PATJ: variants seen among roughly 807,000 people sequenced by gnomAD.
PATJ encodes inaD-like protein.
A neutral mutation model predicts 224.9 loss-of-function variants in PATJ; 190 were observed. That is an observed-to-expected ratio of 0.84 (90% confidence interval 0.75 to 0.95). The LOEUF (loss-of-function observed/expected upper bound fraction) is 0.95. Ranked by LOEUF, PATJ falls within the 40% of genes least tolerant of loss-of-function variation. The probability of loss-of-function intolerance (pLI) is 0.00; values close to 1 mark genes in which losing one functional copy is unlikely to be tolerated. For synonymous variants in PATJ, 769 were observed against 820.3 expected (o/e 0.94, Z 1.07); for missense variants, 2,121 against 2,270.3 (o/e 0.93, Z 1.34).
chr1:62,075,930 AAAG>A (rs1658227816), intron 31 of PATJ, among the ~76,000 whole-genome samples: 1 of 151,804 alleles, frequency 6.6e-6, no homozygotes, highest in African/African-American at 2.4e-5. Flanking sequence ...AAAAAAAAAA[AAAG>A]AAAAGAAAAA....
intron 16 of PATJ, among the ~76,000 whole-genome samples, chr1:61,831,515 G>T (rs1468136878): frequency 1.3e-5 from 2 of 152,196 alleles, no homozygotes; most frequent in Non-Finnish European, 2.9e-5. Context: ...TAAAAAATGG[G>T]CAAAGGACAC....
intron 33 of PATJ, among the ~76,000 whole-genome samples, chr1:62,104,142 CG>C (rs1662585914): frequency 7.8e-6 from 1 of 127,810 alleles, no homozygotes; most frequent in Non-Finnish European, 1.6e-5. Flanking sequence ...GAAGGGAGGG[CG>C]GGTAGGGGAG....
At chr1:61,985,444 G>A (rs150891396) in intron 27 of PATJ, among the ~76,000 whole-genome samples, 57 of 152,002 alleles carry the variant, frequency 3.7e-4, no homozygotes, top group East Asian at 3.5e-3. Flanking sequence ...TTTAAATTGT[G>A]GTAAAATATA....
chr1:61,883,190 C>T (rs1019927054), intron 21 of PATJ, among the ~76,000 whole-genome samples: 6 of 151,984 alleles, frequency 3.9e-5, no homozygotes, highest in Admixed American at 1.3e-4. Context: ...AATATGCTAC[C>T]GACAACTAGG....
At position 61,938,796 on chromosome 1, in the gene PATJ, A is replaced by G. The variant is rs184513217; in HGVS notation, c.3670+10967A>G. On this transcript the variant is annotated intron_variant, in intron 27 of 43. Transcript: ENST00000642238. The stretch of plus-strand genomic sequence containing the variant: ...CAGGTGTTTATTTAGAATTTAGAGC[A>G]TAAAAAAATTTTTTTTTCTAAATAG... Among the ~76,000 whole-genome samples the G allele has an allele frequency of 2.8e-4, 42 of 152,082 alleles. No homozygotes were observed. The East Asian group carries it at 7.7e-3, about 28-fold the overall frequency.
At chr1:61,859,697 G>A (rs991703975) in intron 18 of PATJ, among the ~76,000 whole-genome samples, 7 of 152,006 alleles carry the variant, frequency 4.6e-5, no homozygotes, top group African/African-American at 7.2e-5. Flanking sequence ...TCAGCTCACC[G>A]CAACCTCCGC....
intron 28 of PATJ, among the ~76,000 whole-genome samples, chr1:62,008,160 C>A: frequency 6.6e-6 from 1 of 152,138 alleles, no homozygotes; most frequent in East Asian, 1.9e-4. Context: ...AAGAGAGAAT[C>A]TTGGTTGTCC....
At chr1:61,783,656 AT>A (rs148893514) in intron 7 of PATJ, among the ~76,000 whole-genome samples, 8 of 147,138 alleles carry the variant, frequency 5.4e-5, no homozygotes, top group East Asian at 2.0e-4. Flanking sequence ...TAGGTTTAAA[AT>A]TTTTTTTTTA....
chr1:61,942,361 C>T (rs1202112725), intron 27 of PATJ, among the ~76,000 whole-genome samples: 2 of 152,044 alleles, frequency 1.3e-5, no homozygotes, highest in Non-Finnish European at 2.9e-5. Flanking sequence ...TGATACTTCA[C>T]CAAAGACATC....
intron 26 of PATJ, among the ~76,000 whole-genome samples, chr1:61,916,749 C>T (rs921955654): frequency 6.6e-6 from 1 of 152,152 alleles, no homozygotes; most frequent in Non-Finnish European, 1.5e-5. Context: ...TGTATTATTA[C>T]TTGAATCAGC....
chr1:61,981,035 C>T (rs935432090), intron 27 of PATJ, among the ~76,000 whole-genome samples: 2 of 151,964 alleles, frequency 1.3e-5, no homozygotes, highest in Admixed American at 6.6e-5. Flanking sequence ...AGGGAGGCAG[C>T]CTAGGAGGCT....
intron 28 of PATJ, among the ~76,000 whole-genome samples, chr1:61,992,762 G>A (rs746744387): frequency 2.0e-5 from 3 of 152,164 alleles, no homozygotes; most frequent in Non-Finnish European, 4.4e-5. Context: ...GTGTTTTACA[G>A]GTCAAACACA....
intron 27 of PATJ, 93 bp from the exon 28 acceptor site, chr1:61,990,075 G>C (rs1435288845): frequency 1.0e-6 from 1 of 971,940 alleles, no homozygotes; most frequent in Non-Finnish European, 1.5e-6. Context: ...AGGTACCATA[G>C]TTGAGAAATC....
Position 62,018,381 on chromosome 1 carries a change from TA to T in PATJ, c.3959+435del, listed in dbSNP as rs1487549199. On this transcript the variant is annotated intron_variant, in intron 29 of 43. Transcript: ENST00000642238. This position sits in a 1 kb window ranked among gnomAD's most constrained non-coding sequence, Gnocchi z 4.2. Reference sequence around the variant, plus strand: ...AAGAGTGCTGGTGAGAAGCTCAGAGTAGAGAAGATGTTCAGCACTGCTGCCT... The same window carrying T: ...AAGAGTGCTGGTGAGAAGCTCAGAGTGAGAAGATGTTCAGCACTGCTGCCT... 6.6e-6 allele frequency among the ~76,000 whole-genome samples: 1 copy of T among 152,132 alleles called. No individual in the cohort carries two copies. Among genetic ancestry groups the T allele is most frequent in the Non-Finnish European group, 1.5e-5 (1 of 68,024 alleles).
chr1:61,759,616 C>T (rs921200554), intron 1 of PATJ, among the ~76,000 whole-genome samples: 1 of 152,200 alleles, frequency 6.6e-6, no homozygotes. Context: ...CCATGTTGTT[C>T]AGGCTGGTCT....
At chr1:61,977,586 T>G (rs1453250730) in intron 27 of PATJ, among the ~76,000 whole-genome samples, 1 of 151,650 alleles carries the variant, frequency 6.6e-6, no homozygotes, top group Non-Finnish European at 1.5e-5. Flanking sequence ...CGTCCTAGAG[T>G]CCCCCCAGGG....
At chr1:61,763,692 C>G (rs901683481) in intron 3 of PATJ, among the ~76,000 whole-genome samples, 1 of 148,056 alleles carries the variant, frequency 6.8e-6, no homozygotes, top group Non-Finnish European at 1.5e-5. Flanking sequence ...CAAGGTTTCT[C>G]TCTGTCACTG....
chr1:62,129,739 G>A (rs1255163692), intron 41 of PATJ, among the ~76,000 whole-genome samples: 16 of 151,964 alleles, frequency 1.1e-4, no homozygotes, highest in African/African-American at 3.1e-4. Context: ...TCAGGAGTTC[G>A]AGACCAGCCT....
In PATJ at chr1:61,775,907, ACT is replaced by A. The variant is rs1646886576; in HGVS notation, c.849+576_849+577del. Among the ~76,000 whole-genome samples the A allele has an allele frequency of 2.0e-5, 3 of 152,248 alleles. 1 individual carries two copies. The highest frequency in any genetic ancestry group is 4.1e-4 in the South Asian group (2 of 4,834). On this transcript the variant is annotated intron_variant, in intron 7 of 43. Coordinates refer to ENST00000642238, the MANE Select transcript of PATJ (RefSeq NM_001350145.3). The stretch of plus-strand genomic sequence containing the variant: ...TTTTAGAAATTAGTTTAGAAATTTG[ACT>A]CTGAAGCCACGTAATAATAAGCCCA...
Sources: gnomAD v4.1 joint callset for allele counts (sites outside exome capture counted in the v4.1 genomes callset) on GRCh38, gnomAD v4.1.1 for gene constraint, Gnocchi (gnomAD v3.1) non-coding constraint, MANE v1.5 for transcripts, NCBI Gene and HGNC (gene_info 2026-07-23, HGNC 2026-07-21) for gene names.